CHCHD1: variants seen among roughly 807,000 people sequenced by gnomAD.
The protein encoded by CHCHD1 is small ribosomal subunit protein mS37.
In CHCHD1, 12 loss-of-function variants were observed where a neutral mutation model predicts 12.7. The ratio of observed to expected loss-of-function variants is 0.95; its 90% CI spans 0.61 to 1.53. CHCHD1 has a LOEUF of 1.53. Ranked by LOEUF, CHCHD1 falls within the 40% of genes most tolerant of loss-of-function variation. The pLI, the probability that CHCHD1 is intolerant of heterozygous loss-of-function variation, is 0.00. For missense variants in CHCHD1, 151 were observed against 155.8 expected, an observed-to-expected ratio of 0.97 and a Z score of 0.17; for synonymous variants, 57 against 62.4, an observed-to-expected ratio of 0.91 and a Z score of 0.41.
At chr10:73,782,682 T>C (rs2083108786) in intron 2 of CHCHD1, 1 of 1,031,090 alleles carries the variant, frequency 9.7e-7, no homozygotes, top group Non-Finnish European at 1.3e-6. Flanking sequence ...TAAAGAATGT[T>C]GTGAGTGTCA....
intron 2 of CHCHD1, chr10:73,782,668 A>G: frequency 8.8e-7 from 1 of 1,139,412 alleles, no homozygotes; most frequent in Non-Finnish European, 1.2e-6. Context: ...AACCAATACC[A>G]CCTTAAAGAA....
chr10:73,782,421 G>C lies in CHCHD1; in HGVS notation c.223G>C (p.Asp75His). The stretch of plus-strand genomic sequence containing the variant: ...CAGAAAAGAGATCCAGGGCTTCCTC[G>C]ATTGTGCCGCGAGGGCTCAGGTGAC... ...ACRKEIQGFL[D>H]CAARAQEARK... Residue 75 changes from aspartate to histidine, a missense_variant, in exon 2 of 3, where the codon GAT becomes CAT. Physicochemically the swap from Asp to His is moderately conservative, Grantham distance 81 (BLOSUM62 -1). Coordinates refer to ENST00000372833, the MANE Select transcript of CHCHD1 (RefSeq NM_203298.3). 6.2e-7 allele frequency: 1 copy of C among 1,614,216 alleles called. No homozygotes were observed. The highest frequency in any genetic ancestry group is 8.5e-7 in the Non-Finnish European group (1 of 1,180,028).
chr10:73,782,519 T>A, intron 2 of CHCHD1, 78 bp downstream of exon 2: 1 of 1,598,502 alleles, frequency 6.3e-7, no homozygotes, highest in Non-Finnish European at 8.5e-7. Context: ...TGCCTTTTGC[T>A]AGGAAAGGCC....
intron 2 of CHCHD1, 33 bp from the exon 3 acceptor site, chr10:73,783,041 G>A (rs755231228): frequency 1.3e-6 from 2 of 1,514,518 alleles, no homozygotes; most frequent in Admixed American, 3.3e-5. Flanking sequence ...AAACTGTAGA[G>A]CTGTCATTCT....
chr10:73,782,994 G>T, intron 2 of CHCHD1, 80 bp from the exon 3 acceptor site: 1 of 1,067,562 alleles, frequency 9.4e-7, no homozygotes, highest in Non-Finnish European at 1.4e-6. Flanking sequence ...TTGATTGATT[G>T]GTTTTTTGGG....
rs1002922317 is a variant in CHCHD1, at chr10:73,783,478, G to T, written c.*291G>T. ...TTGCCCTAGGAGCAGGACAAATACC[G>T]TTGTATTGTCTTTCCCTGCATTTGA... On this transcript the variant is annotated 3_prime_UTR_variant, in exon 3 of 3. Transcript: ENST00000372833. The T allele has an allele frequency of 6.2e-5, 17 of 276,288 alleles. No individual in the cohort carries two copies. The South Asian group carries it at 7.8e-4, about 13-fold the overall frequency. The allele number at this position is 276,288 out of a possible 1,614,324, so 17.1% of individuals were successfully genotyped here.
rs1242015216 is a variant in CHCHD1, at chr10:73,783,063, TG to T, written c.244-10del. The stretch of plus-strand genomic sequence containing the variant: ...AGAGCTGTCATTCTTGTATTTGTTT[TG>T]TGTTTTCAGGAAGCCCGAAAGATGA... On this transcript the variant is annotated splice_polypyrimidine_tract_variant and intron_variant, in intron 2 of 2. Coordinates refer to ENST00000372833, the MANE Select transcript of CHCHD1 (RefSeq NM_203298.3). The T allele has an allele frequency of 6.3e-7, 1 of 1,597,558 alleles. No homozygotes were observed. The highest frequency in any genetic ancestry group is 2.2e-5 in the East Asian group (1 of 44,794).
At chr10:73,782,643 A>G in intron 2 of CHCHD1, 1 of 1,358,028 alleles carries the variant, frequency 7.4e-7, no homozygotes, top group Non-Finnish European at 9.6e-7. Context: ...GAGTTACTGT[A>G]CGTAAAATGA....
chr10:73,783,475 AC>A lies in CHCHD1; in HGVS notation c.*290del, dbSNP rs2083112831. 3.4e-6 allele frequency: 1 copy of A among 293,786 alleles called. No individual in the cohort carries two copies. Among genetic ancestry groups the A allele is most frequent in the Non-Finnish European group, 6.4e-6 (1 of 156,864 alleles). The allele number at this position is 293,786 out of a possible 1,614,324, so 18.2% of individuals were successfully genotyped here. ...GATTTGCCCTAGGAGCAGGACAAAT[AC>A]CGTTGTATTGTCTTTCCCTGCATTT... On this transcript the variant is annotated 3_prime_UTR_variant, in exon 3 of 3. Coordinates refer to ENST00000372833, the MANE Select transcript of CHCHD1 (RefSeq NM_203298.3).
rs781615177 is a variant in CHCHD1 at position 73,782,361 on chromosome 10, T to A, written c.163T>A (p.Cys55Ser). 6.2e-6 allele frequency: 10 copies of A among 1,614,072 alleles called. No homozygotes were observed. In the South Asian group the frequency reaches 1.1e-4, roughly 18 times the overall value. ...CACGGAGATGTCGGTGATGATGGCT[T>A]GCTGGAAGCAGAATGAATTCCGCGA... ...CITEMSVMMA[C>S]WKQNEFRDDA... is the part of the protein sequence containing the mutation. The change falls in exon 2 of 3, where the codon TGC (cysteine) becomes AGC (serine). Residue 55 changes from cysteine to serine, a missense_variant. Physicochemically the swap from Cys to Ser is moderately radical, Grantham distance 112. Transcript: ENST00000372833.
chr10:73,782,971 AG>A (rs1426776813), intron 2 of CHCHD1, 102 bp from the exon 3 acceptor site: 2 of 899,552 alleles, frequency 2.2e-6, no homozygotes, highest in East Asian at 4.8e-5. Context: ...GGCCTACATC[AG>A]GACAAACTTG....
Position 73,782,109 on chromosome 10 carries a change from C to G in CHCHD1, c.34C>G (p.Arg12Gly), listed in dbSNP as rs550031777. 6.2e-7 allele frequency: 1 copy of G among 1,613,188 alleles called. No individual in the cohort carries two copies. The highest frequency in any genetic ancestry group is 1.7e-5 in the Admixed American group (1 of 60,020). The part of the protein sequence containing the change: ...ATPSLRGRLA[R>G]FGNPRKPVLK... ...ACCCAGCCTGCGGGGTCGTCTGGCGCGGTTTGGGAACCCGCGGAAGCCTGT... is the reference window on the plus strand; with the variant it reads ...ACCCAGCCTGCGGGGTCGTCTGGCGGGGTTTGGGAACCCGCGGAAGCCTGT... Residue 12 changes from arginine (R) to glycine (G), a missense_variant, in exon 1 of 3, where the codon CGG becomes GGG. Physicochemically the swap from Arg to Gly is moderately radical, Grantham distance 125. Transcript: ENST00000372833.
chr10:73,783,034 C>G (rs766467469), intron 2 of CHCHD1, 40 bp from the exon 3 acceptor site: 4 of 1,494,332 alleles, frequency 2.7e-6, no homozygotes, highest in East Asian at 4.5e-5. Flanking sequence ...ACTAGACAAA[C>G]TGTAGAGCTG....
chr10:73,782,898 T>C (rs559142541), intron 2 of CHCHD1, 176 bp from the exon 3 acceptor site: 3 of 625,018 alleles, frequency 4.8e-6, no homozygotes, highest in South Asian at 4.0e-5. Flanking sequence ...GAAAAGAGGC[T>C]GACATAGATC....
rs1036223746 is a variant in CHCHD1 at position 73,782,452 on chromosome 10, G to A, written c.243+11G>A. ...GCCGCGAGGGCTCAGGTGACCGATG[G>A]CTCCTGGGGTGCTTTCTCAGGAAAA... On this transcript the variant is annotated intron_variant, in intron 2 of 2. Coordinates refer to ENST00000372833, the MANE Select transcript of CHCHD1 (RefSeq NM_203298.3). The A allele has an allele frequency of 2.5e-6, 4 of 1,613,980 alleles. No individual in the cohort carries two copies. The highest frequency in any genetic ancestry group is 2.7e-5 in the African/African-American group (2 of 74,938).
At position 73,783,106 on chromosome 10, in the gene CHCHD1, C is replaced by T; in HGVS notation, c.276C>T (p.Thr92=). The part of the protein sequence containing the change: ...EARKMRSIQE[T]LGESGSLLPN... ...GAAAGATGAGATCAATACAGGAAAC[C>T]CTGGGAGAGTCTGGGAGTTTACTTC... Residue 92 remains threonine (T), a synonymous_variant, in exon 3 of 3, where the codon ACC becomes ACT. Coordinates refer to ENST00000372833, the MANE Select transcript of CHCHD1 (RefSeq NM_203298.3). The T allele has an allele frequency of 6.2e-7, 1 of 1,613,824 alleles. No homozygotes were observed. The highest frequency in any genetic ancestry group is 1.1e-5 in the South Asian group (1 of 91,022).
rs766260577 is a variant in CHCHD1, at chr10:73,782,172, G to T, written c.97G>T (p.Val33Phe). Reference protein sequence around the residue: ...PNKPLILANRVGERRREKGEA... With the variant: ...PNKPLILANRFGERRREKGEA... ...TAAACCTCTCATTCTAGCTAACCGCGTCGGGGAGCGGCGCCGGGAGAAGGG... is the reference window on the plus strand; with the variant it reads ...TAAACCTCTCATTCTAGCTAACCGCTTCGGGGAGCGGCGCCGGGAGAAGGG... The change falls in exon 1 of 3, where the codon GTC becomes TTC. Residue 33 changes from valine (V) to phenylalanine (F), a missense_variant. By Grantham distance (50) the Val-to-Phe change is conservative (BLOSUM62 -1). Transcript: ENST00000372833. The T allele has an allele frequency of 1.9e-6, 3 of 1,613,828 alleles. No individual in the cohort carries two copies. The highest frequency in any genetic ancestry group is 2.7e-5 in the African/African-American group (2 of 74,936).
chr10:73,783,270 C>T lies in CHCHD1; in HGVS notation c.*83C>T. On this transcript the variant is annotated 3_prime_UTR_variant, in exon 3 of 3. Transcript: ENST00000372833. ...TTTTAGAGACATTGGCATTGCCATG[C>T]CCTCTTTGGAGGGTAGAAGAGGCAA... 1 of 1,025,436 alleles carries T rather than the reference C, an allele frequency of 9.8e-7. No individual in the cohort carries two copies. The highest frequency in any genetic ancestry group is 2.0e-4 in the Middle Eastern group (1 of 4,880). 63.5% of individuals were successfully genotyped at this position (1,025,436 alleles called of 1,614,324 possible).
rs1258587030 is a variant in CHCHD1, at chr10:73,782,188, G to A, written c.113G>A (p.Arg38Gln). Residue 38 changes from arginine to glutamine, a missense_variant, in exon 1 of 3, where the codon CGG becomes CAG. Arg to Gln is a conservative substitution (Grantham distance 43). Transcript: ENST00000372833. ...GCTAACCGCGTCGGGGAGCGGCGCCGGGAGAAGGGCGGTGAGCAGTCGGAG... is the reference window on the plus strand; with the variant it reads ...GCTAACCGCGTCGGGGAGCGGCGCCAGGAGAAGGGCGGTGAGCAGTCGGAG... Reference protein sequence around the residue: ...ILANRVGERRREKGEATCITE... With the variant: ...ILANRVGERRQEKGEATCITE... 1.9e-6 allele frequency: 3 copies of A among 1,613,834 alleles called. No individual in the cohort carries two copies. In the Admixed American group the frequency reaches 5.0e-5, roughly 27 times the overall value.
Sources: gnomAD v4.1 joint callset for allele counts on GRCh38, gnomAD v4.1.1 for gene constraint, MANE v1.5 for transcripts, NCBI Gene and HGNC (gene_info 2026-07-23, HGNC 2026-07-21) for gene names.